The following SLC24A2 variants were observed in gnomAD, a reference collection of about 807,000 sequenced individuals.
The protein encoded by SLC24A2 is solute carrier family 24 member 2, also known as sodium/potassium/calcium exchanger 2.
SLC24A2 carries 36 observed loss-of-function variants against 62.0 expected under a neutral mutation model. That is an observed-to-expected ratio of 0.58 (90% CI 0.44 to 0.77). The LOEUF is 0.77. Ranked by LOEUF, SLC24A2 falls within the 30% of genes least tolerant of loss-of-function variation. The pLI is 0.00. For missense variants in SLC24A2, 846 were observed against 817.9 expected (o/e 1.03, Z -0.42); for synonymous variants, 358 against 294.0 (o/e 1.22, Z -2.23).
At chr9:19,741,753 G>C (rs1247863908) in intron 2 of SLC24A2, among the ~76,000 whole-genome samples, 1 of 152,036 alleles carries the variant, frequency 6.6e-6, no homozygotes, top group Non-Finnish European at 1.5e-5. Flanking sequence ...CTCTGTCCTT[G>C]CTGCCTGTGT....
chr9:19,629,702 G>A (rs1230880127), intron 2 of SLC24A2, among the ~76,000 whole-genome samples: 3 of 152,138 alleles, frequency 2.0e-5, no homozygotes, highest in South Asian at 2.1e-4. Flanking sequence ...TTATCACTGC[G>A]GTCATGAGAC....
At chr9:20,227,536 A>T in the SLC24A2 span, among the ~76,000 whole-genome samples, 10 of 39,320 alleles carry the variant, frequency 2.5e-4, no homozygotes, top group Non-Finnish European at 3.5e-4. Flanking sequence ...ACACATTTCT[A>T]AAAAAAAAAA....
At chr9:19,691,498 A>G (rs1820045036) in intron 2 of SLC24A2, among the ~76,000 whole-genome samples, 1 of 152,160 alleles carries the variant, frequency 6.6e-6, no homozygotes, top group Non-Finnish European at 1.5e-5. Flanking sequence ...TCAGTCATCC[A>G]TGCACTACCA....
chr9:19,760,971 G>A (rs1822305585), intron 2 of SLC24A2, among the ~76,000 whole-genome samples: 1 of 152,070 alleles, frequency 6.6e-6, no homozygotes, highest in African/African-American at 2.4e-5. Flanking sequence ...TAAACGACAA[G>A]TTAAGGAGTG....
the SLC24A2 span, among the ~76,000 whole-genome samples, chr9:20,050,657 A>T: frequency 6.6e-6 from 1 of 152,208 alleles, no homozygotes; most frequent in Non-Finnish European, 1.5e-5. Flanking sequence ...TATCAACTCT[A>T]TTTGATAGGT....
chr9:19,954,171 C>T, the SLC24A2 span, among the ~76,000 whole-genome samples: 2 of 152,062 alleles, frequency 1.3e-5, no homozygotes, highest in Non-Finnish European at 2.9e-5. Context: ...TGTATTTAAA[C>T]ATGATTTTAC....
chr9:19,615,376 A>G (rs1306829795), intron 4 of SLC24A2, among the ~76,000 whole-genome samples: 1 of 152,240 alleles, frequency 6.6e-6, no homozygotes. Context: ...TGGTGATGTA[A>G]CTAGCATGCT....
At chr9:19,550,639 A>G (rs1225159060) in intron 7 of SLC24A2, among the ~76,000 whole-genome samples, 1 of 152,108 alleles carries the variant, frequency 6.6e-6, no homozygotes, top group African/African-American at 2.4e-5. Flanking sequence ...CTTCTCCTTG[A>G]AGACAGAGTC....
At chr9:19,683,755 G>A (rs1215482623) in intron 2 of SLC24A2, among the ~76,000 whole-genome samples, 2 of 152,082 alleles carry the variant, frequency 1.3e-5, no homozygotes, top group Non-Finnish European at 2.9e-5. Context: ...AGCTAGAACA[G>A]CTTTCTTGTG....
the SLC24A2 span, among the ~76,000 whole-genome samples, chr9:20,107,361 A>G: frequency 2.2e-4 from 34 of 151,348 alleles, no homozygotes; most frequent in Non-Finnish European, 4.7e-4. Flanking sequence ...GTTCATATGG[A>G]ACCAAAAAAG....
chr9:20,307,003 T>G, the SLC24A2 span, among the ~76,000 whole-genome samples: 92 of 152,326 alleles, frequency 6.0e-4, no homozygotes, highest in South Asian at 6.6e-3. Context: ...TTAGACTGAC[T>G]CATCTTCATA....
the SLC24A2 span, among the ~76,000 whole-genome samples, chr9:20,306,855 C>A: frequency 6.6e-6 from 1 of 152,056 alleles, no homozygotes; most frequent in African/African-American, 2.4e-5. Flanking sequence ...TGCCACTTCA[C>A]CTGGCTAATT....
At chr9:20,234,629 T>G in the SLC24A2 span, among the ~76,000 whole-genome samples, 1 of 152,222 alleles carries the variant, frequency 6.6e-6, no homozygotes, top group Non-Finnish European at 1.5e-5. Context: ...TCCATTAATC[T>G]AATTTGTTTT....
At chr9:20,057,601 C>G in the SLC24A2 span, among the ~76,000 whole-genome samples, 1 of 152,204 alleles carries the variant, frequency 6.6e-6, no homozygotes, top group African/African-American at 2.4e-5. Context: ...TGAAACCTAT[C>G]AAGCCGTTGG....
intron 2 of SLC24A2, among the ~76,000 whole-genome samples, chr9:19,660,937 T>C (rs1053152836): frequency 2.0e-5 from 3 of 152,186 alleles, no homozygotes; most frequent in Admixed American, 2.0e-4. Context: ...AACATACTAA[T>C]AAATGGCTCA....
chr9:20,299,730 A>G, the SLC24A2 span, among the ~76,000 whole-genome samples: 1 of 152,228 alleles, frequency 6.6e-6, no homozygotes, highest in Non-Finnish European at 1.5e-5. Flanking sequence ...ACTAGGCACT[A>G]TGCTAAATGC....
chr9:19,901,939 T>C, the SLC24A2 span, among the ~76,000 whole-genome samples: 1 of 152,326 alleles, frequency 6.6e-6, no homozygotes, highest in East Asian at 1.9e-4. Context: ...CTGCAATTGT[T>C]TGAACATTGC....
chr9:19,580,286 A>G (rs1231817276), intron 5 of SLC24A2, among the ~76,000 whole-genome samples: 2 of 152,250 alleles, frequency 1.3e-5, no homozygotes, highest in African/African-American at 2.4e-5. Context: ...GCCATAGGCT[A>G]GAAGGATTTT....
intron 2 of SLC24A2, among the ~76,000 whole-genome samples, chr9:19,735,063 G>C (rs938703840): frequency 6.6e-6 from 1 of 152,018 alleles, no homozygotes; most frequent in South Asian, 2.1e-4. Flanking sequence ...CACCATCAGA[G>C]TGAACAGGCA....
Sources: allele counts gnomAD v4.1 joint callset (sites outside exome capture counted in the v4.1 genomes callset), GRCh38; gene constraint gnomAD v4.1.1; transcripts MANE v1.5; gene names NCBI Gene and HGNC (gene_info 2026-07-23, HGNC 2026-07-21).